ULK4: variants seen among roughly 807,000 people sequenced by gnomAD.
The protein encoded by ULK4 is inactive serine/threonine-protein kinase ULK4.
Under a neutral mutation model 160.6 loss-of-function variants are expected in ULK4, and 133 were observed. The ratio of observed to expected loss-of-function variants is 0.83; its 90% CI spans 0.72 to 0.96. ULK4 has a LOEUF of 0.96. Ranked by LOEUF, ULK4 falls within the 40% of genes least tolerant of loss-of-function variation. ULK4 has a pLI of 0.00. For missense variants in ULK4, 1,580 were observed against 1,499.5 expected (o/e 1.05, Z -0.89); for synonymous variants, 534 against 539.8 (o/e 0.99, Z 0.15).
intron 35 of ULK4, among the ~76,000 whole-genome samples, chr3:41,286,098 C>A (rs139749712): frequency 1.3e-5 from 2 of 152,156 alleles, no homozygotes; most frequent in Admixed American, 1.3e-4. Context: ...TTTTGGGGAC[C>A]TCATTTTGAT....
chr3:41,922,750 G>T (rs1271925047), intron 5 of ULK4, among the ~76,000 whole-genome samples: 1 of 152,068 alleles, frequency 6.6e-6, no homozygotes, highest in Non-Finnish European at 1.5e-5. Context: ...AGAAAAAAAT[G>T]GGAAAATCTG....
In ULK4 at chr3:41,693,380, C is replaced by T. The variant is rs146018458; in HGVS notation, c.2782-11576G>A. On this transcript the variant is annotated intron_variant, in intron 27 of 36. Coordinates refer to ENST00000301831, the MANE Select transcript of ULK4 (RefSeq NM_017886.4). ...AAGATACACCTACAACAATAGGAAA[C>T]TAAATATGAACAAGGTTATTTATTG... Among the ~76,000 whole-genome samples the T allele has an allele frequency of 4.9e-3, 747 of 152,260 alleles. 4 individuals carry two copies. Among genetic ancestry groups the T allele is most frequent in the African/African-American group, 0.017 (716 of 41,558 alleles).
intron 21 of ULK4, among the ~76,000 whole-genome samples, chr3:41,775,899 A>C (rs996727268): frequency 4.0e-5 from 6 of 150,956 alleles, no homozygotes; most frequent in Non-Finnish European, 7.3e-5. Context: ...ACAAGGATAT[A>C]AGTTTAATTA....
chr3:41,562,587 G>A (rs886203878), intron 32 of ULK4, among the ~76,000 whole-genome samples: 4 of 152,132 alleles, frequency 2.6e-5, no homozygotes, highest in African/African-American at 9.7e-5. Flanking sequence ...AGGTCTTCTT[G>A]TTGAATCACC....
chr3:41,902,588 GAAAA>G lies in ULK4; in HGVS notation c.1183-1763_1183-1760del, dbSNP rs537842940. On this transcript the variant is annotated intron_variant, in intron 12 of 36. Transcript: ENST00000301831. ...GCGAGACTCCACCAAAAAAAAAAAA[GAAAA>G]AAAAAAAAAAGGCCCACAAAGAATG... Among the ~76,000 whole-genome samples, 135 of 94,762 alleles carry G rather than the reference GAAAA, an allele frequency of 1.4e-3. 1 individual carries two copies. Among genetic ancestry groups the G allele is most frequent in the Non-Finnish European group, 2.7e-3 (122 of 45,766 alleles). 62.2% of individuals were successfully genotyped at this position (94,762 alleles called of 152,430 possible). A position where few individuals can be genotyped will look rare whatever the true frequency, so the allele number is the denominator to read the frequency against.
At chr3:41,663,756 G>C (rs1328144532) in intron 29 of ULK4, 57 bp from the exon 30 acceptor site, 1 of 1,375,922 alleles carries the variant, frequency 7.3e-7, no homozygotes, top group African/African-American at 1.4e-5. Context: ...GTCCAACCTT[G>C]AATTCTATAT....
chr3:41,388,028 A>G (rs1036806626), intron 35 of ULK4, among the ~76,000 whole-genome samples: 9 of 152,290 alleles, frequency 5.9e-5, no homozygotes, highest in South Asian at 2.1e-4. Context: ...CATCCTCTCC[A>G]GCACCTGTTG....
chr3:41,949,676 GC>G (rs146178523), intron 2 of ULK4, among the ~76,000 whole-genome samples: 18,956 of 149,318 alleles, frequency 0.13, 1,373 homozygotes, highest in Middle Eastern at 0.28. Flanking sequence ...CAAGTGATCT[GC>G]CCCCTCCTCG....
At chr3:41,602,455 AAGAC>A (rs1463787752) in intron 31 of ULK4, among the ~76,000 whole-genome samples, 6 of 151,924 alleles carry the variant, frequency 3.9e-5, no homozygotes, top group South Asian at 2.1e-4. Flanking sequence ...AAGAGGAAGA[AAGAC>A]AGAAAACTAG....
chr3:41,919,660 G>A, intron 6 of ULK4, 57 bp downstream of exon 6: 2 of 1,428,074 alleles, frequency 1.4e-6, no homozygotes, highest in Non-Finnish European at 2.0e-6. Context: ...GCAAAGTACA[G>A]ACTTAACCTG....
chr3:41,551,051 G>C (rs1008439822), intron 32 of ULK4, among the ~76,000 whole-genome samples: 2 of 119,016 alleles, frequency 1.7e-5, no homozygotes, highest in African/African-American at 5.1e-5. Flanking sequence ...GAAGAAATCA[G>C]GAAACAAAAA....
At chr3:41,465,032 C>T (rs899413885) in intron 32 of ULK4, among the ~76,000 whole-genome samples, 19 of 152,146 alleles carry the variant, frequency 1.2e-4, no homozygotes, top group Non-Finnish European at 1.6e-4. Context: ...ACTGAAGTCA[C>T]CAGCTCCCAA....
intron 34 of ULK4, among the ~76,000 whole-genome samples, chr3:41,423,761 C>G (rs572158763): frequency 3.3e-5 from 5 of 152,262 alleles, no homozygotes; most frequent in African/African-American, 1.2e-4. Flanking sequence ...AACAGCCCAC[C>G]TGAGAGCCAC....
chr3:41,449,532 C>T (rs1373571954), intron 34 of ULK4, among the ~76,000 whole-genome samples: 1 of 152,044 alleles, frequency 6.6e-6, no homozygotes, highest in Non-Finnish European at 1.5e-5. Context: ...TTGGGTTTGA[C>T]TTGCAAAAAG....
intron 31 of ULK4, among the ~76,000 whole-genome samples, chr3:41,581,660 G>A (rs1361480479): frequency 6.6e-6 from 1 of 152,182 alleles, no homozygotes; most frequent in East Asian, 1.9e-4. Context: ...TCCTTACACT[G>A]GTCCCAAACC....
At chr3:41,732,903 T>C (rs1225805220) in intron 22 of ULK4, among the ~76,000 whole-genome samples, 1 of 152,120 alleles carries the variant, frequency 6.6e-6, no homozygotes, top group Non-Finnish European at 1.5e-5. Context: ...CTCAAAAAGC[T>C]GATCTAATAG....
intron 17 of ULK4, among the ~76,000 whole-genome samples, chr3:41,844,096 G>A (rs56158380): frequency 0.18 from 27,729 of 152,158 alleles, 2,613 homozygotes; most frequent in Middle Eastern, 0.32. Flanking sequence ...CGGGAGCACC[G>A]CTGGCTTCAC....
intron 30 of ULK4, among the ~76,000 whole-genome samples, chr3:41,618,209 T>C (rs2033072164): frequency 6.6e-6 from 1 of 152,162 alleles, no homozygotes; most frequent in Non-Finnish European, 1.5e-5. Flanking sequence ...TTCAGGATAT[T>C]ATCCAGGAGA....
intron 30 of ULK4, among the ~76,000 whole-genome samples, chr3:41,659,097 C>T (rs1005717156): frequency 6.6e-6 from 1 of 152,040 alleles, no homozygotes; most frequent in Non-Finnish European, 1.5e-5. Flanking sequence ...TCTCAATAAA[C>T]CTGTTTATTT....
Sources: gnomAD v4.1 joint callset for allele counts (sites outside exome capture counted in the v4.1 genomes callset) on GRCh38, gnomAD v4.1.1 for gene constraint, MANE v1.5 for transcripts, NCBI Gene and HGNC (gene_info 2026-07-23, HGNC 2026-07-21) for gene names.